CTNNA1: variants seen among roughly 807,000 people sequenced by gnomAD.
CTNNA1 encodes the protein catenin alpha-1.
A neutral mutation model predicts 98.4 loss-of-function variants in CTNNA1; 37 were observed. The ratio of observed to expected loss-of-function variants is 0.38; its 90% confidence interval spans 0.29 to 0.49. The LOEUF (loss-of-function observed/expected upper bound fraction) is 0.49, where lower values mean the gene tolerates loss of function less well. CTNNA1 is among the 20% of genes least tolerant of loss of function. The probability of loss-of-function intolerance (pLI) is 0.95; values close to 1 mark genes in which losing one functional copy is unlikely to be tolerated. For synonymous variants in CTNNA1, 404 were observed against 413.2 expected, an observed-to-expected ratio of 0.98 and a Z score of 0.27; for missense variants, 761 against 1,147.2, an observed-to-expected ratio of 0.66 and a Z score of 4.86.
chr5:138,904,564 G>C lies in CTNNA1; in HGVS notation c.1389+123G>C, dbSNP rs1307641130. 4 of 1,234,854 alleles carry C rather than the reference G, an allele frequency of 3.2e-6. No individual in the cohort carries two copies. The East Asian group carries it at 1.0e-4, about 31-fold the overall frequency. 76.5% of individuals were successfully genotyped at this position (1,234,854 alleles called of 1,614,324 possible). Reference sequence around the variant, plus strand: ...ATTTTAGATGGAAGTCTTGGGGACAGATCACTGACACAGAACCCACATAGT... The same window carrying C: ...ATTTTAGATGGAAGTCTTGGGGACACATCACTGACACAGAACCCACATAGT... On this transcript the variant is annotated intron_variant, in intron 10 of 17. Coordinates refer to ENST00000302763, the MANE Select transcript of CTNNA1 (RefSeq NM_001903.5).
At chr5:138,866,593 A>G (rs996922883) in intron 7 of CTNNA1, among the ~76,000 whole-genome samples, 1 of 152,052 alleles carries the variant, frequency 6.6e-6, no homozygotes, top group African/African-American at 2.4e-5. Context: ...CTGGATTTCT[A>G]TTGGGAGTTC....
At chr5:138,859,496 C>T (rs915410323) in intron 7 of CTNNA1, among the ~76,000 whole-genome samples, 6 of 152,182 alleles carry the variant, frequency 3.9e-5, no homozygotes, top group African/African-American at 1.2e-4. Flanking sequence ...TCTACTTGGA[C>T]GACTAATAAA....
rs1760588463 is a variant in CTNNA1 at position 138,825,482 on chromosome 5, G to GTTTTTTTTTTGTTTTT, written c.858+693_858+694insGTTTTTTTTTTTTTTT. On this transcript the variant is annotated intron_variant, in intron 6 of 17. Coordinates refer to ENST00000302763, the MANE Select transcript of CTNNA1 (RefSeq NM_001903.5). ...CTTCCAGTAGATGGCAGCAGTATAA[G>GTTTTTTTTTTGTTTTT]TTTTTTTTTTTTTTTTAGGGCTTTA... 4.0e-5 allele frequency among the ~76,000 whole-genome samples: 3 copies of GTTTTTTTTTTGTTTTT among 74,114 alleles called. 1 individual carries two copies. Among genetic ancestry groups the GTTTTTTTTTTGTTTTT allele is most frequent in the Non-Finnish European group, 7.1e-5 (3 of 42,018 alleles). 48.6% of individuals were successfully genotyped at this position (74,114 alleles called of 152,430 possible).
At chr5:138,913,936 G>A (rs551649566) in intron 10 of CTNNA1, among the ~76,000 whole-genome samples, 1 of 152,252 alleles carries the variant, frequency 6.6e-6, no homozygotes, top group Non-Finnish European at 1.5e-5. Context: ...CTGCAGCCTT[G>A]GCATCCTGGG....
intron 3 of CTNNA1, among the ~76,000 whole-genome samples, chr5:138,802,536 G>C (rs551327499): frequency 6.6e-6 from 1 of 152,158 alleles, no homozygotes; most frequent in East Asian, 1.9e-4. Context: ...CAAATATGAT[G>C]TTGGAAACTG....
At chr5:138,782,131 A>G (rs940134456) in intron 2 of CTNNA1, 102 bp downstream of exon 2, 28 of 1,117,378 alleles carry the variant, frequency 2.5e-5, no homozygotes, top group Non-Finnish European at 3.3e-5. Flanking sequence ...CCTTAATTCC[A>G]GTACTTGAGT....
chr5:138,806,690 C>A (rs1293347013), intron 3 of CTNNA1, among the ~76,000 whole-genome samples: 2 of 151,984 alleles, frequency 1.3e-5, no homozygotes, highest in East Asian at 3.8e-4. Context: ...TAAGCATATC[C>A]CTTACTCCTC....
At chr5:138,774,509 A>C (rs1247849678) in intron 1 of CTNNA1, among the ~76,000 whole-genome samples, 1 of 152,148 alleles carries the variant, frequency 6.6e-6, no homozygotes, top group Non-Finnish European at 1.5e-5. Flanking sequence ...AAGTGGGCAC[A>C]AGCTTTCTGA....
At chr5:138,768,024 G>A (rs1311861678) in intron 1 of CTNNA1, among the ~76,000 whole-genome samples, 1 of 152,148 alleles carries the variant, frequency 6.6e-6, no homozygotes, top group Non-Finnish European at 1.5e-5. Flanking sequence ...TGATTTTTTT[G>A]TGCAGTCCAT....
At chr5:138,883,483 A>G (rs1196800696) in intron 7 of CTNNA1, among the ~76,000 whole-genome samples, 1 of 152,232 alleles carries the variant, frequency 6.6e-6, no homozygotes, top group African/African-American at 2.4e-5. Context: ...TAACAGATTC[A>G]TGGTGTGGGT....
intron 3 of CTNNA1, among the ~76,000 whole-genome samples, chr5:138,789,474 T>C (rs925754402): frequency 3.3e-5 from 5 of 152,220 alleles, no homozygotes; most frequent in African/African-American, 1.2e-4. Context: ...GTTTTGTTTT[T>C]TGAGTTGGAG....
At chr5:138,900,806 C>T (rs1165621856) in intron 9 of CTNNA1, among the ~76,000 whole-genome samples, 1 of 152,084 alleles carries the variant, frequency 6.6e-6, no homozygotes, top group Non-Finnish European at 1.5e-5. Flanking sequence ...TTCCTGAAAC[C>T]AGCAAAACCC....
rs1755328766 is a variant in CTNNA1 at position 138,783,226 on chromosome 5, G to C, written c.155G>C (p.Arg52Thr). ...AGTAAAGGGCCCTCTAATAAGAAGA[G>C]AGGTCGTTCTAAGAAGGCCCATGTT... ...TNSKGPSNKK[R>T]GRSKKAHVLA... Residue 52 changes from arginine (R) to threonine (T), a missense_variant, in exon 3 of 18, where the codon AGA (arginine) becomes ACA (threonine). This residue lies in a region of CTNNA1 where 328 missense variants were observed against 354.3 expected (regional missense o/e 0.93). Transcript: ENST00000302763. The C allele has an allele frequency of 3.1e-6, 5 of 1,613,920 alleles. No homozygotes were observed. The highest frequency in any genetic ancestry group is 4.2e-6 in the Non-Finnish European group (5 of 1,179,902).
At chr5:138,924,465 C>T in intron 11 of CTNNA1, 45 bp from the exon 12 acceptor site, 2 of 1,599,890 alleles carry the variant, frequency 1.3e-6, no homozygotes, top group Non-Finnish European at 1.7e-6. Context: ...GCCACCTTTT[C>T]ATAGAAAGCC....
At chr5:138,865,786 G>A (rs894098061) in intron 7 of CTNNA1, among the ~76,000 whole-genome samples, 1 of 152,098 alleles carries the variant, frequency 6.6e-6, no homozygotes, top group African/African-American at 2.4e-5. Context: ...TCCTGCTTTT[G>A]ATCTTTTTAT....
At chr5:138,805,421 A>G (rs1757988914) in intron 3 of CTNNA1, among the ~76,000 whole-genome samples, 1 of 152,076 alleles carries the variant, frequency 6.6e-6, no homozygotes, top group African/African-American at 2.4e-5. Context: ...GCCATTTGCT[A>G]TTATCTGCCT....
chr5:138,852,103 T>A (rs766765430), intron 7 of CTNNA1, among the ~76,000 whole-genome samples: 9 of 152,048 alleles, frequency 5.9e-5, no homozygotes, highest in East Asian at 3.9e-4. Context: ...TAAATAAATA[T>A]ATAACATGGG....
At chr5:138,856,763 C>G (rs371980092) in intron 7 of CTNNA1, among the ~76,000 whole-genome samples, 72 of 152,308 alleles carry the variant, frequency 4.7e-4, no homozygotes, top group African/African-American at 1.7e-3. Flanking sequence ...TGGACTCAAG[C>G]AAGAGTGTTT....
chr5:138,776,892 GCAGGGGGC>G, intron 1 of CTNNA1, among the ~76,000 whole-genome samples: 1 of 130,114 alleles, frequency 7.7e-6, no homozygotes, highest in African/African-American at 2.9e-5. Flanking sequence ...GGCTGGCCGG[GCAGGGGGC>G]TGACCCCCCC....
Sources: allele counts gnomAD v4.1 joint callset (sites outside exome capture counted in the v4.1 genomes callset), GRCh38; gene constraint gnomAD v4.1.1; regional missense constraint gnomAD v4.1.1; transcripts MANE v1.5; gene names NCBI Gene and HGNC (gene_info 2026-07-23, HGNC 2026-07-21).